PI4KB: variants seen among roughly 807,000 people sequenced by gnomAD.
PI4KB encodes the protein PtdIns 4-kinase beta.
In PI4KB, 23 loss-of-function variants were observed where a neutral mutation model predicts 81.4. The observed-to-expected ratio is 0.28, with a 90% CI of 0.20 to 0.40. The LOEUF (loss-of-function observed/expected upper bound fraction) is 0.40. Among genes scored for constraint, PI4KB ranks in the 10% least tolerant of loss-of-function variants. The pLI is 1.00. For synonymous variants in PI4KB, 381 were observed against 406.8 expected (o/e 0.94, Z 0.76); for missense variants, 651 against 1,036.6 (o/e 0.63, Z 5.11).
intron 1 of PI4KB, among the ~76,000 whole-genome samples, chr1:151,319,441 C>T (rs934833355): frequency 6.6e-6 from 1 of 152,172 alleles, no homozygotes; most frequent in Non-Finnish European, 1.5e-5. Flanking sequence ...TTATGACAGC[C>T]TTTTCTGCCC....
intron 8 of PI4KB, 141 bp downstream of exon 8, chr1:151,301,703 T>C: frequency 1.4e-6 from 1 of 711,260 alleles, no homozygotes; most frequent in Non-Finnish European, 2.3e-6. Flanking sequence ...GGCCATAATT[T>C]TTGTATTTTT....
At chr1:151,311,917 C>G (rs978748783) in intron 2 of PI4KB, among the ~76,000 whole-genome samples, 4 of 152,242 alleles carry the variant, frequency 2.6e-5, no homozygotes, top group African/African-American at 9.6e-5. Context: ...AATCTACTAA[C>G]AGTGTCATCA....
chr1:151,293,192 C>T (rs1276051825), intron 11 of PI4KB, 159 bp from the exon 12 acceptor site: 2 of 985,226 alleles, frequency 2.0e-6, no homozygotes, highest in Non-Finnish European at 2.4e-6. Flanking sequence ...AGAGAAGGAA[C>T]CGGCAGGAAC....
chr1:151,304,933 A>G (rs1167836479), intron 5 of PI4KB, among the ~76,000 whole-genome samples: 1 of 148,862 alleles, frequency 6.7e-6, no homozygotes, highest in Admixed American at 6.7e-5. Context: ...GGGTTCGAAT[A>G]ATTCTACTGC....
At position 151,315,969 on chromosome 1, in the gene PI4KB, G is replaced by A. The variant is rs752090695; in HGVS notation, c.513C>T (p.Asp171=). 3.2e-5 allele frequency: 51 copies of A among 1,613,028 alleles called. No homozygotes were observed. The highest frequency in any genetic ancestry group is 3.3e-4 in the Middle Eastern group (2 of 6,056). Reference sequence around the variant, plus strand: ...GCAACTGGGGCAGATAGAAGTCCACGTCCTCGTTGCGAAAGCAGAAGAGCC... The same window carrying A: ...GCAACTGGGGCAGATAGAAGTCCACATCCTCGTTGCGAAAGCAGAAGAGCC... ...GNRLFCFRNE[D]VDFYLPQLLN... The change falls in exon 2 of 12, where the codon GAC becomes GAT. Residue 171 remains aspartate, a synonymous_variant. Coordinates refer to ENST00000368873, the MANE Select transcript of PI4KB (RefSeq NM_001369623.2).
chr1:151,301,179 G>A (rs587652031), intron 8 of PI4KB, among the ~76,000 whole-genome samples: 24 of 152,248 alleles, frequency 1.6e-4, no homozygotes, highest in African/African-American at 5.3e-4. Context: ...AATCTGTGTA[G>A]TCACCTCCGG....
chr1:151,302,836 G>C (rs1695409627), intron 6 of PI4KB, among the ~76,000 whole-genome samples: 1 of 151,482 alleles, frequency 6.6e-6, no homozygotes, highest in Non-Finnish European at 1.5e-5. Flanking sequence ...ACCCGCCTCA[G>C]CCTCCCAAAG....
chr1:151,307,436 T>G, intron 4 of PI4KB, 138 bp downstream of exon 4: 1 of 628,086 alleles, frequency 1.6e-6, no homozygotes, highest in South Asian at 1.9e-5. Flanking sequence ...GACAGAGTCA[T>G]GGTTGACATA....
rs775424109 is a variant in PI4KB, at chr1:151,293,915, T to G, written c.2269+103A>C. 3 of 1,300,998 alleles carry G rather than the reference T, an allele frequency of 2.3e-6. No individual in the cohort carries two copies. In the Admixed American group the frequency reaches 6.6e-5, roughly 29 times the overall value. 80.6% of individuals were successfully genotyped at this position (1,300,998 alleles called of 1,614,324 possible). ...GCTAGAAACTCTCTGGGAACCCCCCTCCCTCAACCGAGTCTCGTGGGATCA... is the reference window on the plus strand; with the variant it reads ...GCTAGAAACTCTCTGGGAACCCCCCGCCCTCAACCGAGTCTCGTGGGATCA... On this transcript the variant is annotated intron_variant, in intron 11 of 11. Coordinates refer to ENST00000368873, the MANE Select transcript of PI4KB (RefSeq NM_001369623.2).
intron 4 of PI4KB, among the ~76,000 whole-genome samples, chr1:151,306,983 G>C (rs1695822504): frequency 1.3e-5 from 2 of 152,138 alleles, no homozygotes; most frequent in Admixed American, 1.3e-4. Flanking sequence ...GCTAAGGCAG[G>C]AGAATCGCTT....
chr1:151,320,502 GAATTT>G (rs533646394), intron 1 of PI4KB, among the ~76,000 whole-genome samples: 55 of 152,298 alleles, frequency 3.6e-4, no homozygotes, highest in South Asian at 2.3e-3. Flanking sequence ...GTTCATTCCT[GAATTT>G]AATATCCCTG....
At chr1:151,302,580 T>C (rs930607011) in intron 6 of PI4KB, among the ~76,000 whole-genome samples, 1 of 145,504 alleles carries the variant, frequency 6.9e-6, no homozygotes, top group Non-Finnish European at 1.5e-5. Context: ...TTCTTTTCTT[T>C]TTTTTTTTTT....
intron 5 of PI4KB, 30 bp from the exon 6 acceptor site, chr1:151,303,680 G>T: frequency 7.0e-7 from 1 of 1,427,834 alleles, no homozygotes; most frequent in Non-Finnish European, 9.9e-7. Context: ...GGTCAGAAGT[G>T]CTAAAGTATA....
chr1:151,305,749 T>C (rs1695706413), intron 5 of PI4KB, among the ~76,000 whole-genome samples: 1 of 152,222 alleles, frequency 6.6e-6, no homozygotes, highest in Admixed American at 6.5e-5. Flanking sequence ...TTCACTAGCA[T>C]ACAGCACTCA....
At position 151,291,880 on chromosome 1, in the gene PI4KB, T is replaced by TAA. The variant is rs1202957983; in HGVS notation, c.*970_*971dup. ...GGAACTAGGGAGAAAACCAGACCAT[T>TAA]AAAACTGTTTGTGGTCGAATCTCCA... On this transcript the variant is annotated 3_prime_UTR_variant, in exon 12 of 12. Transcript: ENST00000368873. 1 of 152,252 alleles carries TAA rather than the reference T, an allele frequency of 6.6e-6. No individual in the cohort carries two copies. Among genetic ancestry groups the TAA allele is most frequent in the African/African-American group, 2.4e-5 (1 of 41,308 alleles). 9.4% of individuals were successfully genotyped at this position (152,252 alleles called of 1,614,324 possible).
At chr1:151,317,139 CTTTT>C (rs34628896) in intron 1 of PI4KB, among the ~76,000 whole-genome samples, 6 of 126,946 alleles carry the variant, frequency 4.7e-5, no homozygotes, top group Non-Finnish European at 3.2e-5. Context: ...TTTACAAATT[CTTTT>C]TTTTTTTTTT....
Position 151,307,686 on chromosome 1 carries a change from G to T in PI4KB, c.1070C>A (p.Ser357Tyr). The change falls in exon 4 of 12, where the codon TCC (serine) becomes TAC (tyrosine). Residue 357 changes from serine to tyrosine, a missense_variant. Ser to Tyr is a moderately radical substitution (Grantham distance 144). Transcript: ENST00000368873. ...GGCAGGGAGCTTATGGTTGAGCAGG[G>T]AGAGCTCTGAGATCAGCCTCTGTGT... ...QKTQRLISEL[S>Y]LLNHKLPARV... 1 of 1,614,194 alleles carries T rather than the reference G, an allele frequency of 6.2e-7. No homozygotes were observed. Among genetic ancestry groups the T allele is most frequent in the South Asian group, 1.1e-5 (1 of 91,076 alleles).
At chr1:151,306,092 G>A in intron 5 of PI4KB, 44 bp downstream of exon 5, 1 of 1,497,420 alleles carries the variant, frequency 6.7e-7, no homozygotes, top group Non-Finnish European at 9.3e-7. Flanking sequence ...AGCTCCTGGA[G>A]AAAGCTCCTG....
In PI4KB at chr1:151,292,144, A is replaced by ACTT. The variant is rs760978637; in HGVS notation, c.*705_*707dup. 3.9e-5 allele frequency: 6 copies of ACTT among 152,328 alleles called. No homozygotes were observed. Among genetic ancestry groups the ACTT allele is most frequent in the South Asian group, 2.1e-4 (1 of 4,834 alleles). 9.4% of individuals were successfully genotyped at this position (152,328 alleles called of 1,614,324 possible). ...AAATGACACAAGTGGCTAACTAAGG[A>ACTT]CTTTATTTCAAACAAAAATTAAAAA... is the stretch of plus-strand genomic sequence containing the variant. On this transcript the variant is annotated 3_prime_UTR_variant, in exon 12 of 12. Coordinates refer to ENST00000368873, the MANE Select transcript of PI4KB (RefSeq NM_001369623.2).
Sources: allele counts gnomAD v4.1 joint callset (sites outside exome capture counted in the v4.1 genomes callset), GRCh38; gene constraint gnomAD v4.1.1; transcripts MANE v1.5; gene names NCBI Gene and HGNC (gene_info 2026-07-23, HGNC 2026-07-21).